CPNE5: variants seen among roughly 807,000 people sequenced by gnomAD.
The protein encoded by CPNE5 is copine-5.
In CPNE5, 42 loss-of-function variants were observed where a neutral mutation model predicts 81.1. The observed-to-expected ratio is 0.52, with a 90% CI of 0.40 to 0.67. The LOEUF is 0.67. Ranked by LOEUF, CPNE5 falls within the 30% of genes least tolerant of loss-of-function variation. The pLI is 0.00. For missense variants in CPNE5, 612 were observed against 815.5 expected, an observed-to-expected ratio of 0.75 and a Z score of 3.04; for synonymous variants, 313 against 321.5, an observed-to-expected ratio of 0.97 and a Z score of 0.28.
intron 3 of CPNE5, among the ~76,000 whole-genome samples, chr6:36,810,650 T>C (rs1935427489): frequency 6.6e-6 from 1 of 152,152 alleles, no homozygotes; most frequent in African/African-American, 2.4e-5. Context: ...TGCACCATCT[T>C]GGGTCTGGAA....
intron 1 of CPNE5, among the ~76,000 whole-genome samples, chr6:36,835,154 T>C (rs1583065353): frequency 6.6e-6 from 1 of 152,236 alleles, no homozygotes; most frequent in Non-Finnish European, 1.5e-5. Flanking sequence ...GAACCCACCA[T>C]GTGGAACTGT....
At chr6:36,821,658 C>T (rs970620258) in intron 3 of CPNE5, among the ~76,000 whole-genome samples, 4 of 152,042 alleles carry the variant, frequency 2.6e-5, no homozygotes, top group Non-Finnish European at 4.4e-5. Flanking sequence ...GTTTTGGAGC[C>T]GGGACTTGAT....
At chr6:36,820,903 C>T (rs556491631) in intron 3 of CPNE5, among the ~76,000 whole-genome samples, 1 of 151,682 alleles carries the variant, frequency 6.6e-6, no homozygotes, top group Admixed American at 6.6e-5. Context: ...GTCATGATCA[C>T]ACCACTGCAC....
At chr6:36,757,233 G>C (rs1765575082) in intron 12 of CPNE5, 1 of 700,410 alleles carries the variant, frequency 1.4e-6, no homozygotes. Flanking sequence ...GGGAAGTCTA[G>C]GCACAACTTT....
chr6:36,836,342 A>G (rs1225705960), intron 1 of CPNE5, among the ~76,000 whole-genome samples: 2 of 152,174 alleles, frequency 1.3e-5, no homozygotes, highest in East Asian at 1.9e-4. Flanking sequence ...CAGCAGGTGC[A>G]GGATCCTCCC....
chr6:36,794,643 G>C lies in CPNE5; in HGVS notation c.411C>G (p.Gly137=). Residue 137 remains glycine (G), a synonymous_variant, in exon 7 of 21, where the codon GGC becomes GGG. Coordinates refer to ENST00000244751, the MANE Select transcript of CPNE5 (RefSeq NM_020939.2). The part of the protein sequence containing the change: ...GSRLEKPLTI[G]AFSLNSRTGK... ...CCGTCCTGGAATTCAGGCTGAATGC[G>C]CCTATCCTGTGGAGAGAGAGGGGGA... 1 of 1,613,858 alleles carries C rather than the reference G, an allele frequency of 6.2e-7. No individual in the cohort carries two copies. The highest frequency in any genetic ancestry group is 8.5e-7 in the Non-Finnish European group (1 of 1,179,872).
At chr6:36,765,265 G>T in intron 11 of CPNE5, 70 bp downstream of exon 11, 3 of 1,549,118 alleles carry the variant, frequency 1.9e-6, no homozygotes, top group East Asian at 2.3e-5. Context: ...AGCTCCGCAT[G>T]GGAGGGCAGG....
intron 14 of CPNE5, among the ~76,000 whole-genome samples, chr6:36,749,097 T>C (rs553354423): frequency 2.8e-4 from 42 of 149,710 alleles, no homozygotes; most frequent in African/African-American, 9.9e-4. Context: ...CCACCACACC[T>C]GGCTTTTTTT....
chr6:36,765,518 C>T, intron 10 of CPNE5, 142 bp from the exon 11 acceptor site: 2 of 894,424 alleles, frequency 2.2e-6, no homozygotes, highest in South Asian at 1.7e-5. Context: ...GAGGCAGCGG[C>T]TTGAGAGACA....
intron 1 of CPNE5, among the ~76,000 whole-genome samples, chr6:36,834,695 T>C (rs1773313594): frequency 6.6e-6 from 1 of 151,178 alleles, no homozygotes; most frequent in African/African-American, 2.4e-5. Flanking sequence ...TTGCATACGG[T>C]TCAGCCTAAT....
chr6:36,802,974 C>T (rs2150536733), intron 3 of CPNE5, among the ~76,000 whole-genome samples: 1 of 152,158 alleles, frequency 6.6e-6, no homozygotes, highest in East Asian at 1.9e-4. Context: ...AGGAGAATCA[C>T]TTAAACCCAG....
At chr6:36,811,629 C>G (rs1771112729) in intron 3 of CPNE5, among the ~76,000 whole-genome samples, 1 of 152,196 alleles carries the variant, frequency 6.6e-6, no homozygotes, top group African/African-American at 2.4e-5. Flanking sequence ...GGGACCTGGC[C>G]TAGAACTCAG....
intron 1 of CPNE5, chr6:36,827,279 CCTAA>C (rs1218499358): frequency 1.2e-5 from 12 of 973,922 alleles, no homozygotes; most frequent in Non-Finnish European, 1.3e-5. Context: ...CATCCCTCTC[CCTAA>C]CTGCCTGTCC....
chr6:36,835,097 A>G (rs1002155884), intron 1 of CPNE5, among the ~76,000 whole-genome samples: 2 of 152,228 alleles, frequency 1.3e-5, no homozygotes, highest in African/African-American at 4.8e-5. Context: ...GGGCTAAGCA[A>G]TGGGCTGCTT....
intron 13 of CPNE5, chr6:36,754,143 C>G (rs963646454): frequency 2.0e-5 from 3 of 151,998 alleles, no homozygotes; most frequent in African/African-American, 7.3e-5. Flanking sequence ...CCTGGGGGCT[C>G]TTAGATCATC....
intron 7 of CPNE5, chr6:36,792,305 G>A: frequency 6.6e-7 from 1 of 1,516,568 alleles, no homozygotes; most frequent in Non-Finnish European, 8.8e-7. Flanking sequence ...CCCGAGCCTG[G>A]AGCTGCCCCA....
chr6:36,812,180 G>A (rs551418710), intron 3 of CPNE5, among the ~76,000 whole-genome samples: 24 of 152,296 alleles, frequency 1.6e-4, no homozygotes, highest in African/African-American at 3.6e-4. Context: ...ACTCCGACTC[G>A]GAAAACCACA....
intron 3 of CPNE5, among the ~76,000 whole-genome samples, chr6:36,806,244 G>A (rs1770582982): frequency 6.6e-6 from 1 of 152,312 alleles, no homozygotes; most frequent in Admixed American, 6.5e-5. Context: ...TCCTACAGGA[G>A]ATTGCTTCCC....
chr6:36,824,426 C>T lies in CPNE5; in HGVS notation c.96-1328G>A, dbSNP rs1051469660. The stretch of plus-strand genomic sequence containing the variant: ...TCCCCTGTAAGCTGCCAGACAAGCC[C>T]TTCCTGCCTGTGCGGCTACTCCTGC... On this transcript the variant is annotated intron_variant, in intron 1 of 20. Transcript: ENST00000244751. 3.3e-5 allele frequency among the ~76,000 whole-genome samples: 4 copies of T among 121,614 alleles called. No individual in the cohort carries two copies. The East Asian group carries it at 9.8e-4, about 30-fold the overall frequency. 79.8% of individuals were successfully genotyped at this position (121,614 alleles called of 152,430 possible).
Sources: allele counts gnomAD v4.1 joint callset (sites outside exome capture counted in the v4.1 genomes callset), GRCh38; gene constraint gnomAD v4.1.1; transcripts MANE v1.5; gene names NCBI Gene and HGNC (gene_info 2026-07-23, HGNC 2026-07-21).